Variants in ZNF423 observed in about 807,000 individuals in gnomAD.
ZNF423 encodes the protein zinc finger protein 423.
Under a neutral mutation model 95.8 loss-of-function variants are expected in ZNF423, and 12 were observed. That is an observed-to-expected ratio of 0.13 (90% CI 0.08 to 0.20). ZNF423 has a LOEUF of 0.20. ZNF423 is among the 10% of genes least tolerant of loss of function. The pLI, the probability that ZNF423 is intolerant of heterozygous loss-of-function variation, is 1.00. For synonymous variants in ZNF423, 749 were observed against 711.9 expected (o/e 1.05, Z -0.83); for missense variants, 1,316 against 1,737.1 (o/e 0.76, Z 4.31).
At chr16:49,854,770 C>G (rs2035340410) in intron 1 of ZNF423, 1 of 985,278 alleles carries the variant, frequency 1.0e-6, no homozygotes, top group Non-Finnish European at 1.2e-6. Context: ...CTCCAGGGGT[C>G]CCCTCGAGCT....
intron 5 of ZNF423, among the ~76,000 whole-genome samples, chr16:49,592,681 C>T (rs961052521): frequency 1.1e-4 from 17 of 152,180 alleles, no homozygotes; most frequent in Admixed American, 1.1e-3. Context: ...CCACGTGCAA[C>T]CAGAGAATAG....
At chr16:49,858,472 G>A (rs1453035535), upstream of ZNF423, among the ~76,000 whole-genome samples, 2 of 151,626 alleles carry the variant, frequency 1.3e-5, no homozygotes, top group African/African-American at 4.8e-5. The surrounding 1 kb of genome is among the most constrained non-coding windows in gnomAD (Gnocchi z 4.3). Flanking sequence ...CGCGCCCTAG[G>A]CAGTCTCAGA....
intron 5 of ZNF423, among the ~76,000 whole-genome samples, chr16:49,541,106 C>T (rs568505172): frequency 1.4e-3 from 215 of 152,308 alleles, no homozygotes; most frequent in African/African-American, 4.1e-3. Flanking sequence ...GACTCCCGCT[C>T]TCTGCACCCA....
intron 5 of ZNF423, among the ~76,000 whole-genome samples, chr16:49,591,095 T>C (rs930510725): frequency 6.6e-6 from 1 of 152,160 alleles, no homozygotes; most frequent in African/African-American, 2.4e-5. Context: ...TACAAAATAA[T>C]ATGGGCATTG....
intron 4 of ZNF423, among the ~76,000 whole-genome samples, chr16:49,629,273 C>T (rs184550787): frequency 6.6e-6 from 1 of 152,200 alleles, no homozygotes; most frequent in Non-Finnish European, 1.5e-5. Context: ...TTGCTTTTTT[C>T]TTTGCATCTA....
chr16:49,809,777 T>A (rs1295933614), intron 1 of ZNF423, among the ~76,000 whole-genome samples: 1 of 152,156 alleles, frequency 6.6e-6, no homozygotes, highest in Non-Finnish European at 1.5e-5. Flanking sequence ...CCCTGAGGCA[T>A]CTGAAGCCTG....
intron 3 of ZNF423, among the ~76,000 whole-genome samples, chr16:49,696,689 G>A (rs961564002): frequency 2.0e-5 from 3 of 151,616 alleles, no homozygotes; most frequent in Admixed American, 2.0e-4. Context: ...AGCCTGACTG[G>A]GCCTTTGTTG....
At chr16:49,544,091 T>TCCAC (rs1969353809) in intron 5 of ZNF423, among the ~76,000 whole-genome samples, 1 of 152,162 alleles carries the variant, frequency 6.6e-6, no homozygotes, top group Non-Finnish European at 1.5e-5. Flanking sequence ...CATCCATCCA[T>TCCAC]CCACCTATCT....
At chr16:49,854,645 G>T (rs895587109) in intron 1 of ZNF423, 1 of 985,250 alleles carries the variant, frequency 1.0e-6, no homozygotes, top group South Asian at 4.7e-5. Flanking sequence ...ACCCAACCGA[G>T]GGGCTAGAAT....
At chr16:49,800,685 G>C (rs544483205) in intron 1 of ZNF423, among the ~76,000 whole-genome samples, 4 of 152,166 alleles carry the variant, frequency 2.6e-5, no homozygotes, top group African/African-American at 7.2e-5. Context: ...GCACAGTGCC[G>C]GGTATCCCAC....
At chr16:49,811,126 C>G (rs931665959) in intron 1 of ZNF423, among the ~76,000 whole-genome samples, 1 of 152,082 alleles carries the variant, frequency 6.6e-6, no homozygotes, top group African/African-American at 2.4e-5. Context: ...GGGGTCAAAC[C>G]GGGACCAACC....
At chr16:49,840,954 C>T (rs910627155) in intron 1 of ZNF423, among the ~76,000 whole-genome samples, 1 of 152,184 alleles carries the variant, frequency 6.6e-6, no homozygotes, top group Non-Finnish European at 1.5e-5. Context: ...GTGGGGAGGA[C>T]GGATTCGAGG....
At chr16:49,542,573 G>A (rs1419059202) in intron 5 of ZNF423, among the ~76,000 whole-genome samples, 1 of 152,240 alleles carries the variant, frequency 6.6e-6, no homozygotes, top group Non-Finnish European at 1.5e-5. Flanking sequence ...CAGGAGGTGT[G>A]AGGAGCTGGG....
intron 5 of ZNF423, among the ~76,000 whole-genome samples, chr16:49,549,493 C>G (rs907348171): frequency 6.6e-6 from 1 of 152,170 alleles, no homozygotes; most frequent in Admixed American, 6.5e-5. Flanking sequence ...GCCCAAAGAA[C>G]GGAGGCACAG....
At chr16:49,806,103 A>C (rs1045189536) in intron 1 of ZNF423, among the ~76,000 whole-genome samples, 6 of 152,282 alleles carry the variant, frequency 3.9e-5, no homozygotes, top group Non-Finnish European at 8.8e-5. Flanking sequence ...AGAAACGTGC[A>C]GCATATAAAC....
chr16:49,604,118 T>C (rs947622499), intron 5 of ZNF423, among the ~76,000 whole-genome samples: 1 of 152,124 alleles, frequency 6.6e-6, no homozygotes, highest in Non-Finnish European at 1.5e-5. Flanking sequence ...GGCCAGATAA[T>C]ATGCACAAGC....
chr16:49,605,484 T>G (rs1251109588), intron 5 of ZNF423, among the ~76,000 whole-genome samples: 2 of 152,154 alleles, frequency 1.3e-5, no homozygotes, highest in Non-Finnish European at 2.9e-5. Context: ...AAGCCCCTTC[T>G]AGACACTGCT....
chr16:49,731,050 T>C, intron 2 of ZNF423, 79 bp from the exon 3 acceptor site: 1 of 1,491,878 alleles, frequency 6.7e-7, no homozygotes, highest in Non-Finnish European at 9.2e-7. Context: ...CCGGCATTTA[T>C]TAAGATACAT....
rs144119298 is a variant in ZNF423 at position 49,491,103 on chromosome 16, G to T, written c.*172C>A. The T allele has an allele frequency of 2.5e-4, 179 of 725,998 alleles. 2 individuals carry two copies. The East Asian group carries it at 4.4e-3, about 18-fold the overall frequency. 45.0% of individuals were successfully genotyped at this position (725,998 alleles called of 1,614,324 possible). On this transcript the variant is annotated 3_prime_UTR_variant, in exon 8 of 8. Coordinates refer to ENST00000563137, the MANE Select transcript of ZNF423 (RefSeq NM_001379286.1). ...TGAGCATGGAATACTTTTAATCTCT[G>T]CCATTAATATTCATTTCCAGCTGCT...
Sources: gnomAD v4.1 joint callset for allele counts (sites outside exome capture counted in the v4.1 genomes callset) on GRCh38, gnomAD v4.1.1 for gene constraint, Gnocchi (gnomAD v3.1) non-coding constraint, MANE v1.5 for transcripts, NCBI Gene and HGNC (gene_info 2026-07-23, HGNC 2026-07-21) for gene names.